DNHD1: variants seen among roughly 807,000 people sequenced by gnomAD.
DNHD1 encodes dynein heavy chain domain 1.
Under a neutral mutation model 458.1 loss-of-function variants are expected in DNHD1, and 383 were observed. The ratio of observed to expected loss-of-function variants is 0.84; its 90% CI spans 0.77 to 0.91. The LOEUF (loss-of-function observed/expected upper bound fraction) is 0.91. DNHD1 is among the 40% of genes least tolerant of loss of function. The pLI is 0.00. For synonymous variants in DNHD1, 2,203 were observed against 2,376.9 expected (o/e 0.93, Z 2.13); for missense variants, 5,336 against 5,866.1 (o/e 0.91, Z 2.95).
chr11:6,502,918 G>T lies in DNHD1; in HGVS notation c.912G>T (p.Arg304=). 1.2e-6 allele frequency: 2 copies of T among 1,613,360 alleles called. No individual in the cohort carries two copies. The highest frequency in any genetic ancestry group is 2.2e-5 in the South Asian group (2 of 90,888). ...TCTATCTCAATGTGGCTCCCAGCCG[G>T]TACTTTAGGTGATAGCCTATGTCCA... ...HFLYLNVAPS[R]YFRPYSLMVV... The change falls in exon 4 of 43, where the codon CGG becomes CGT. Residue 304 remains arginine, a synonymous_variant. Coordinates refer to ENST00000254579, the MANE Select transcript of DNHD1 (RefSeq NM_144666.3).
Position 6,519,763 on chromosome 11 carries a change from A to G in DNHD1, c.1556A>G (p.Lys519Arg). 6.2e-7 allele frequency: 1 copy of G among 1,614,056 alleles called. No individual in the cohort carries two copies. Among genetic ancestry groups the G allele is most frequent in the South Asian group, 1.1e-5 (1 of 91,084 alleles). Residue 519 changes from lysine to arginine, a missense_variant, in exon 8 of 43, where the codon AAG (lysine) becomes AGG (arginine). Transcript: ENST00000254579. The part of the protein sequence containing the change: ...QAEAWWLQLG[K>R]FARLVDYMIC... Reference sequence around the variant, plus strand: ...GAGGCCTGGTGGCTGCAGCTGGGAAAGTTTGCCCGCCTGGTTGACTACATG... The same window carrying G: ...GAGGCCTGGTGGCTGCAGCTGGGAAGGTTTGCCCGCCTGGTTGACTACATG...
At chr11:6,504,469 G>A (rs896036822) in intron 4 of DNHD1, among the ~76,000 whole-genome samples, 1 of 152,164 alleles carries the variant, frequency 6.6e-6, no homozygotes, top group African/African-American at 2.4e-5. Flanking sequence ...TCTTTTTTGA[G>A]ACAGAGTTTC....
rs750026869 is a variant in DNHD1, at chr11:6,520,035, C to G, written c.1718C>G (p.Pro573Arg). The G allele has an allele frequency of 5.0e-6, 8 of 1,614,140 alleles. No individual in the cohort carries two copies. The highest frequency in any genetic ancestry group is 1.1e-5 in the South Asian group (1 of 91,086). ...GATCATGGTCAACTGTCTCATGTGCCCTGTGTTGAAAATATGATCCAGACT... is the reference window on the plus strand; with the variant it reads ...GATCATGGTCAACTGTCTCATGTGCGCTGTGTTGAAAATATGATCCAGACT... ...FDDHGQLSHV[P>R]CVENMIQTLT... is the part of the protein sequence containing the mutation. The change falls in exon 9 of 43, where the codon CCC becomes CGC. Residue 573 changes from proline to arginine, a missense_variant. Physicochemically the swap from Pro to Arg is moderately radical, Grantham distance 103 (BLOSUM62 -2). Around this residue, in one of 4 missense-constraint regions of DNHD1, gnomAD observed 3,932 missense variants for 4,365.6 expected, o/e 0.90. Coordinates refer to ENST00000254579, the MANE Select transcript of DNHD1 (RefSeq NM_144666.3).
chr11:6,506,662 T>C (rs1036083924), intron 4 of DNHD1, among the ~76,000 whole-genome samples: 41 of 152,342 alleles, frequency 2.7e-4, no homozygotes, highest in African/African-American at 8.4e-4. Context: ...CCTTTATTCT[T>C]TGAGTCTTTG....
intron 28 of DNHD1, among the ~76,000 whole-genome samples, chr11:6,560,831 A>G (rs1201092696): frequency 6.6e-6 from 1 of 152,128 alleles, no homozygotes; most frequent in South Asian, 2.1e-4. Context: ...TTAACTGGTT[A>G]ATTTTTTCAT....
chr11:6,568,823 C>G lies in DNHD1; in HGVS notation c.12820C>G (p.Arg4274Gly), dbSNP rs538629659. ...LLLLHGLLLH[R>G]QLYGTRLQAH... ...CCTCCTCCATGGCCTCCTGCTACAC[C>G]GGCAGCTCTATGGAACAAGGCTGCA... is the stretch of plus-strand genomic sequence containing the variant. The change falls in exon 39 of 43, where the codon CGG (arginine) becomes GGG (glycine). Residue 4274 changes from arginine to glycine, a missense_variant. Transcript: ENST00000254579. 3 of 1,612,982 alleles carry G rather than the reference C, an allele frequency of 1.9e-6. No homozygotes were observed. The South Asian group carries it at 3.3e-5, about 18-fold the overall frequency.
In DNHD1 at chr11:6,563,551, A is replaced by C. The variant is rs766456109; in HGVS notation, c.9839A>C (p.Glu3280Ala). 1 of 1,551,598 alleles carries C rather than the reference A, an allele frequency of 6.4e-7. No homozygotes were observed. Among genetic ancestry groups the C allele is most frequent in the East Asian group, 2.4e-5 (1 of 40,924 alleles). The change falls in exon 30 of 43, where the codon GAG (glutamate) becomes GCG (alanine). Residue 3280 changes from glutamate (E) to alanine (A), a missense_variant. Glu to Ala is a moderately radical substitution (Grantham distance 107). Coordinates refer to ENST00000254579, the MANE Select transcript of DNHD1 (RefSeq NM_144666.3). ...AGTGCCAAACAGCTGTTATGCACTG[A>C]GGATTTTTATCAGGTAGGAAGGGTG... ...WASAKQLLCTEDFYQELVFFP... is the reference protein window; with the variant it reads ...WASAKQLLCTADFYQELVFFP...
In DNHD1 at chr11:6,538,906, C is replaced by G. The variant is rs958691104; in HGVS notation, c.3325+96C>G. The G allele has an allele frequency of 2.5e-5, 31 of 1,260,934 alleles. No homozygotes were observed. The African/African-American group carries it at 4.1e-4, about 17-fold the overall frequency. 78.1% of individuals were successfully genotyped at this position (1,260,934 alleles called of 1,614,324 possible). On this transcript the variant is annotated intron_variant, in intron 16 of 42. Transcript: ENST00000254579. ...TTCCTGCTGCTCCTGCTGGAAACAC[C>G]TTTCATCCCCAAGTTTCTCCCTACC...
Position 6,544,560 on chromosome 11 carries a change from G to A in DNHD1, c.3755-14G>A, listed in dbSNP as rs770953345. On this transcript the variant is annotated splice_polypyrimidine_tract_variant and intron_variant, in intron 19 of 42. Transcript: ENST00000254579. ...TAGTGTTTCCCACCAGCATTCCTCT[G>A]GCTGCTTACACAGGTGCCCTGCTGG... The A allele has an allele frequency of 5.6e-5, 86 of 1,547,184 alleles. No individual in the cohort carries two copies. The highest frequency in any genetic ancestry group is 6.3e-5 in the Non-Finnish European group (72 of 1,143,308).
Position 6,570,806 on chromosome 11 carries a change from G to T in DNHD1, c.13294G>T (p.Ala4432Ser). ...GTGGGTTCCTGAGTCTCGAAGAGGC[G>T]CCCAGCTTGCGGAAAGGCGACTGCG... Reference protein sequence around the residue: ...PVWVPESRRGAQLAERRLRQR... With the variant: ...PVWVPESRRGSQLAERRLRQR... Residue 4432 changes from alanine (A) to serine (S), a missense_variant, in exon 42 of 43, where the codon GCC becomes TCC. Ala to Ser is a moderately conservative substitution (Grantham distance 99, BLOSUM62 1). Around this residue, in one of 4 missense-constraint regions of DNHD1, gnomAD observed 698 missense variants for 664.9 expected, o/e 1.05. Transcript: ENST00000254579. 6.2e-7 allele frequency: 1 copy of T among 1,613,854 alleles called. No homozygotes were observed. The highest frequency in any genetic ancestry group is 8.5e-7 in the Non-Finnish European group (1 of 1,179,814).
chr11:6,522,773 T>C (rs1425619583), intron 10 of DNHD1, among the ~76,000 whole-genome samples: 1 of 152,164 alleles, frequency 6.6e-6, no homozygotes, highest in African/African-American at 2.4e-5. Context: ...CAAAATAATT[T>C]CAATAGCCCC....
At position 6,528,381 on chromosome 11, in the gene DNHD1, AACTC is replaced by A. The variant is rs1484486135; in HGVS notation, c.1838-135_1838-132del. The stretch of plus-strand genomic sequence containing the variant: ...CGTTTGTGATATAGATGTATGTGTT[AACTC>A]ACTCATGAGCAGCGAATGGGTGTGT... On this transcript the variant is annotated intron_variant, in intron 10 of 42. Transcript: ENST00000254579. The A allele has an allele frequency of 9.7e-6, 10 of 1,028,528 alleles. No individual in the cohort carries two copies. The Admixed American group carries it at 1.2e-4, about 12-fold the overall frequency. 63.7% of individuals were successfully genotyped at this position (1,028,528 alleles called of 1,614,324 possible).
intron 7 of DNHD1, among the ~76,000 whole-genome samples, chr11:6,512,444 G>C (rs185632168): frequency 5.3e-5 from 8 of 151,626 alleles, no homozygotes; most frequent in Non-Finnish European, 7.4e-5. Context: ...GGATGGTCTT[G>C]ATCTCCTGAC....
At chr11:6,516,226 C>A (rs1259392310) in intron 7 of DNHD1, among the ~76,000 whole-genome samples, 1 of 150,766 alleles carries the variant, frequency 6.6e-6, no homozygotes, top group Non-Finnish European at 1.5e-5. Flanking sequence ...ATTTTAAAAT[C>A]ATATTTTAAA....
intron 14 of DNHD1, 72 bp downstream of exon 14, chr11:6,534,245 C>T: frequency 6.8e-7 from 1 of 1,464,928 alleles, no homozygotes; most frequent in Non-Finnish European, 9.1e-7. Context: ...AGTTGGAACT[C>T]AGGGTTCTGT....
At chr11:6,560,370 T>A (rs1853560907) in intron 28 of DNHD1, among the ~76,000 whole-genome samples, 1 of 152,200 alleles carries the variant, frequency 6.6e-6, no homozygotes, top group Non-Finnish European at 1.5e-5. Flanking sequence ...GTGTTTTACA[T>A]AAATGGTATC....
intron 7 of DNHD1, among the ~76,000 whole-genome samples, chr11:6,516,565 T>C (rs1456564039): frequency 6.6e-6 from 1 of 152,014 alleles, no homozygotes; most frequent in Non-Finnish European, 1.5e-5. Context: ...CCCAAAGTGC[T>C]GGGATTACAA....
At chr11:6,512,716 C>T (rs1852370953) in intron 7 of DNHD1, among the ~76,000 whole-genome samples, 2 of 152,164 alleles carry the variant, frequency 1.3e-5, no homozygotes, top group South Asian at 4.2e-4. Context: ...TCCTTCTCAC[C>T]TTTAAAAATA....
chr11:6,545,318 T>C lies in DNHD1; in HGVS notation c.4379T>C (p.Val1460Ala), dbSNP rs1256269267. The C allele has an allele frequency of 2.6e-6, 4 of 1,551,628 alleles. No homozygotes were observed. In the African/African-American group the frequency reaches 5.5e-5, roughly 21 times the overall value. Residue 1460 changes from valine to alanine, a missense_variant, in exon 21 of 43, where the codon GTG becomes GCG. This residue lies in a region of DNHD1 where 3,932 missense variants were observed against 4,365.6 expected (regional missense o/e 0.90). Coordinates refer to ENST00000254579, the MANE Select transcript of DNHD1 (RefSeq NM_144666.3). The surrounding 1 kb of genome is among the most constrained non-coding windows in gnomAD (Gnocchi z 4.9). The part of the protein sequence containing the change: ...SLEKCLRLAL[V>A]HMLQGCVAAR... Reference sequence around the variant, plus strand: ...GAGAAGTGTCTGCGCTTGGCACTGGTGCACATGCTGCAGGGCTGTGTGGCT... The same window carrying C: ...GAGAAGTGTCTGCGCTTGGCACTGGCGCACATGCTGCAGGGCTGTGTGGCT...
Sources: gnomAD v4.1 joint callset for allele counts (sites outside exome capture counted in the v4.1 genomes callset) on GRCh38, gnomAD v4.1.1 for gene constraint, gnomAD v4.1.1 regional missense constraint, Gnocchi (gnomAD v3.1) non-coding constraint, MANE v1.5 for transcripts, NCBI Gene and HGNC (gene_info 2026-07-23, HGNC 2026-07-21) for gene names.